The following FHIT variants were observed in gnomAD, a reference collection of about 807,000 sequenced individuals.
FHIT encodes fragile histidine triad diadenosine triphosphatase.
Under a neutral mutation model 17.9 loss-of-function variants are expected in FHIT, and 19 were observed. That is an observed-to-expected ratio of 1.06 (90% confidence interval 0.74 to 1.56). The LOEUF is 1.56. Among genes scored for constraint, FHIT ranks in the 40% most tolerant of loss-of-function variants. The probability of loss-of-function intolerance (pLI) is 0.00; values close to 1 mark genes in which losing one functional copy is unlikely to be tolerated. For synonymous variants in FHIT, 81 were observed against 69.7 expected (o/e 1.16, Z -0.81); for missense variants, 248 against 189.2 (o/e 1.31, Z -1.82).
intron 5 of FHIT, among the ~76,000 whole-genome samples, chr3:60,413,217 T>C (rs1045397186): frequency 2.6e-5 from 4 of 152,152 alleles, no homozygotes; most frequent in South Asian, 2.1e-4. Context: ...TTTGAAGCAC[T>C]AGTCAGAAGG....
chr3:60,338,262 A>C (rs1302757748), intron 5 of FHIT, among the ~76,000 whole-genome samples: 2 of 152,220 alleles, frequency 1.3e-5, no homozygotes, highest in Non-Finnish European at 2.9e-5. Context: ...GTCCAATGCT[A>C]TAACAGTGTA....
chr3:61,150,370 C>A (rs2037352221), intron 2 of FHIT, among the ~76,000 whole-genome samples: 1 of 151,904 alleles, frequency 6.6e-6, no homozygotes, highest in Non-Finnish European at 1.5e-5. Context: ...CCTATATTGC[C>A]CAGGCTGGTC....
At chr3:60,774,065 C>G (rs1037008500) in intron 4 of FHIT, among the ~76,000 whole-genome samples, 2 of 152,150 alleles carry the variant, frequency 1.3e-5, no homozygotes, top group Non-Finnish European at 2.9e-5. Flanking sequence ...GCAAAATTAT[C>G]TTCATGATGA....
At chr3:60,345,115 T>G (rs1710711443) in intron 5 of FHIT, among the ~76,000 whole-genome samples, 1 of 152,202 alleles carries the variant, frequency 6.6e-6, no homozygotes, top group South Asian at 2.1e-4. Flanking sequence ...AAATTTTAAA[T>G]CATTTGTGTC....
intron 4 of FHIT, among the ~76,000 whole-genome samples, chr3:60,572,485 T>C (rs1221143790): frequency 6.6e-6 from 1 of 151,870 alleles, no homozygotes; most frequent in East Asian, 1.9e-4. Context: ...ACATAATGGC[T>C]AAAAATCCAC....
Position 60,476,566 on chromosome 3 carries a change from C to G in FHIT, c.103+60294G>C, listed in dbSNP as rs112930826. Among the ~76,000 whole-genome samples, 39 of 152,210 alleles carry G rather than the reference C, an allele frequency of 2.6e-4. 2 individuals carry two copies. Among genetic ancestry groups the G allele is most frequent in the African/African-American group, 7.9e-4 (33 of 41,528 alleles). ...AGGCTAGAAAGATCAGCTGGGAGCA[C>G]TGACTAGGGAAAGCTTCTCCTGAAG... On this transcript the variant is annotated intron_variant, in intron 5 of 9. Coordinates refer to ENST00000492590, the MANE Select transcript of FHIT (RefSeq NM_002012.4).
chr3:61,194,519 G>C (rs937761045), intron 2 of FHIT, among the ~76,000 whole-genome samples: 5 of 152,036 alleles, frequency 3.3e-5, no homozygotes, highest in African/African-American at 9.7e-5. Flanking sequence ...TGTAGCTAAT[G>C]AGCATTATTA....
At chr3:59,778,901 A>G (rs1193747758) in intron 8 of FHIT, among the ~76,000 whole-genome samples, 1 of 152,170 alleles carries the variant, frequency 6.6e-6, no homozygotes, top group Admixed American at 6.5e-5. Context: ...ACTCCTTCCC[A>G]TGAATCAACT....
At chr3:59,777,024 T>G (rs1219030349) in intron 8 of FHIT, among the ~76,000 whole-genome samples, 1 of 152,166 alleles carries the variant, frequency 6.6e-6, no homozygotes, top group Non-Finnish European at 1.5e-5. Flanking sequence ...GTGTCTCCCA[T>G]GCTCACTGTG....
chr3:59,764,042 G>T (rs1701668319), intron 8 of FHIT, among the ~76,000 whole-genome samples: 1 of 152,162 alleles, frequency 6.6e-6, no homozygotes, highest in African/African-American at 2.4e-5. Flanking sequence ...AGGTAGAAAG[G>T]CCGTCCCAGA....
chr3:60,549,804 AG>A, intron 4 of FHIT, among the ~76,000 whole-genome samples: 1 of 152,358 alleles, frequency 6.6e-6, no homozygotes, highest in Middle Eastern at 3.4e-3. Flanking sequence ...CTTCGTTAAA[AG>A]AATAAAACTG....
chr3:60,431,407 T>TA (rs143093497), intron 5 of FHIT, among the ~76,000 whole-genome samples: 4,658 of 152,124 alleles, frequency 0.031, 101 homozygotes, highest in Non-Finnish European at 0.045. Flanking sequence ...CGCTCACTCT[T>TA]ATCCGTAGAA....
chr3:61,191,276 C>T (rs1332590739), intron 2 of FHIT, among the ~76,000 whole-genome samples: 1 of 151,984 alleles, frequency 6.6e-6, no homozygotes, highest in East Asian at 1.9e-4. Flanking sequence ...GTTTGTTGAA[C>T]AGAAGAAAAG....
chr3:60,307,037 A>G (rs1468372446), intron 5 of FHIT, among the ~76,000 whole-genome samples: 2 of 152,104 alleles, frequency 1.3e-5, no homozygotes, highest in East Asian at 3.9e-4. Flanking sequence ...TTCCACATTA[A>G]GAAACCATGC....
chr3:59,980,527 G>A (rs1708606409), intron 7 of FHIT, among the ~76,000 whole-genome samples: 1 of 152,166 alleles, frequency 6.6e-6, no homozygotes, highest in Non-Finnish European at 1.5e-5. Flanking sequence ...TAAGATGGAT[G>A]GGATGATAGC....
At chr3:59,990,727 T>C (rs1575833142) in intron 7 of FHIT, among the ~76,000 whole-genome samples, 1 of 152,082 alleles carries the variant, frequency 6.6e-6, no homozygotes, top group Middle Eastern at 3.4e-3. Flanking sequence ...AATAACCACT[T>C]GGGGAAAAAC....
intron 8 of FHIT, among the ~76,000 whole-genome samples, chr3:59,847,630 G>T (rs372197448): frequency 6.6e-5 from 10 of 151,976 alleles, no homozygotes; most frequent in African/African-American, 2.4e-4. Flanking sequence ...TGCTTAATAC[G>T]TTCCTGTTGC....
chr3:60,369,935 C>T (rs897089356), intron 5 of FHIT, among the ~76,000 whole-genome samples: 3 of 152,040 alleles, frequency 2.0e-5, no homozygotes, highest in African/African-American at 7.2e-5. Flanking sequence ...ATCTTTTAAG[C>T]CAAAGAGAAA....
At chr3:59,783,047 C>T (rs1702670040) in intron 8 of FHIT, among the ~76,000 whole-genome samples, 1 of 152,100 alleles carries the variant, frequency 6.6e-6, no homozygotes, top group Non-Finnish European at 1.5e-5. Context: ...AGTAGGGGTC[C>T]AGTCTGGGGC....
Sources: gnomAD v4.1 joint callset for allele counts (sites outside exome capture counted in the v4.1 genomes callset) on GRCh38, gnomAD v4.1.1 for gene constraint, MANE v1.5 for transcripts, NCBI Gene and HGNC (gene_info 2026-07-23, HGNC 2026-07-21) for gene names.